Variants in IMMP2L observed in about 807,000 individuals in gnomAD.
IMMP2L encodes the protein inner mitochondrial membrane peptidase subunit 2.
Under a neutral mutation model 19.3 loss-of-function variants are expected in IMMP2L, and 18 were observed. That is an observed-to-expected ratio of 0.93 (90% CI 0.64 to 1.38). IMMP2L has a LOEUF of 1.38. Among genes scored for constraint, IMMP2L ranks in the 40% most tolerant of loss-of-function variants. The pLI is 0.00. For missense variants in IMMP2L, 233 were observed against 218.2 expected, an observed-to-expected ratio of 1.07 and a Z score of -0.43; for synonymous variants, 76 against 73.0, an observed-to-expected ratio of 1.04 and a Z score of -0.21.
Position 110,954,321 on chromosome 7 carries a change from T to C in IMMP2L, c.305+9179A>G, listed in dbSNP as rs115304841. Among the ~76,000 whole-genome samples the C allele has an allele frequency of 4.0e-3, 613 of 152,214 alleles. 4 individuals carry two copies. The highest frequency in any genetic ancestry group is 0.014 in the African/African-American group (592 of 41,552). ...CTTCATAGTGGCAATTCTCTTGTTA[T>C]ATTCCTTTTCTTTTGTTGCCTTTGT... On this transcript the variant is annotated intron_variant, in intron 4 of 5. Transcript: ENST00000405709.
Position 111,487,326 on chromosome 7 carries a change from C to T in IMMP2L, c.151G>A (p.Gly51Arg). The T allele has an allele frequency of 6.2e-7, 1 of 1,604,448 alleles. No individual in the cohort carries two copies. The highest frequency in any genetic ancestry group is 8.5e-7 in the Non-Finnish European group (1 of 1,171,316). ...ACCACATCAGATGACTGGCTCCCCCCAGGATTCAAAGAAGGCTAGAAAATA... is the reference window on the plus strand; with the variant it reads ...ACCACATCAGATGACTGGCTCCCCCTAGGATTCAAAGAAGGCTAGAAAATA... ...GASMQPSLNP[G>R]GSQSSDVVLL... is the part of the protein sequence containing the mutation. The change falls in exon 3 of 6, where the codon GGG (glycine) becomes AGG (arginine). Residue 51 changes from glycine to arginine, a missense_variant. By Grantham distance (125) the Gly-to-Arg change is moderately radical (BLOSUM62 -2). Coordinates refer to ENST00000405709, the MANE Select transcript of IMMP2L (RefSeq NM_032549.4).
intron 5 of IMMP2L, among the ~76,000 whole-genome samples, chr7:110,880,986 TG>T (rs1809578646): frequency 6.6e-6 from 1 of 152,118 alleles, no homozygotes; most frequent in Non-Finnish European, 1.5e-5. Flanking sequence ...AAGCTAAGAC[TG>T]CCTCTTCTCT....
chr7:111,054,760 A>C (rs371237100), intron 3 of IMMP2L, among the ~76,000 whole-genome samples: 2 of 152,170 alleles, frequency 1.3e-5, no homozygotes, highest in East Asian at 1.9e-4. Flanking sequence ...CTCTAAAATC[A>C]ATCTCAGGAG....
At chr7:111,441,909 C>T (rs556912925) in intron 3 of IMMP2L, among the ~76,000 whole-genome samples, 5 of 151,766 alleles carry the variant, frequency 3.3e-5, no homozygotes, top group South Asian at 4.2e-4. Flanking sequence ...GAGGCCAAGG[C>T]GGGCAGATCA....
intron 3 of IMMP2L, among the ~76,000 whole-genome samples, chr7:111,424,199 C>T (rs1015673805): frequency 7.9e-5 from 12 of 151,706 alleles, no homozygotes; most frequent in African/African-American, 2.4e-4. Flanking sequence ...ACCTGATTTA[C>T]GGTAAGGTAC....
intron 5 of IMMP2L, among the ~76,000 whole-genome samples, chr7:110,840,065 T>G (rs1367208116): frequency 2.4e-4 from 37 of 152,156 alleles, no homozygotes; most frequent in Admixed American, 2.4e-3. Context: ...GAGAATGAGA[T>G]TCCCTTTCTG....
chr7:110,979,564 T>G (rs1308591003), intron 3 of IMMP2L, among the ~76,000 whole-genome samples: 2 of 152,080 alleles, frequency 1.3e-5, no homozygotes, highest in Non-Finnish European at 2.9e-5. Flanking sequence ...CTATCAGTAT[T>G]ATTGGGTGTG....
intron 2 of IMMP2L, among the ~76,000 whole-genome samples, 170 bp downstream of exon 2, chr7:111,521,143 G>A (rs567195160): frequency 5.9e-5 from 9 of 152,074 alleles, no homozygotes; most frequent in Admixed American, 4.6e-4. Context: ...ATTATAATAC[G>A]ACTGTATTAG....
intron 3 of IMMP2L, among the ~76,000 whole-genome samples, chr7:111,389,805 A>G (rs117776898): frequency 0.016 from 2,461 of 152,218 alleles, 52 homozygotes; most frequent in Middle Eastern, 0.078. Flanking sequence ...AAGGGCCACA[A>G]TCTGCTCTGA....
intron 2 of IMMP2L, among the ~76,000 whole-genome samples, chr7:111,504,437 C>T (rs1414238709): frequency 2.2e-4 from 34 of 151,706 alleles, no homozygotes; most frequent in African/African-American, 8.0e-4. Context: ...CATCAAGCTA[C>T]CAATGACTTT....
Position 111,042,262 on chromosome 7 carries a change from C to T in IMMP2L, c.240-78697G>A, listed in dbSNP as rs1412399851. On this transcript the variant is annotated intron_variant, in intron 3 of 5. Coordinates refer to ENST00000405709, the MANE Select transcript of IMMP2L (RefSeq NM_032549.4). ...TGGCACAATCCGGGCTCACTGAAAC[C>T]TCTGCCTCCTGGGTTCCAGTGATTC... 5.3e-5 allele frequency among the ~76,000 whole-genome samples: 8 copies of T among 152,296 alleles called. No homozygotes were observed. In the East Asian group the frequency reaches 1.4e-3, roughly 26 times the overall value.
chr7:111,142,054 G>A (rs1453658103), intron 3 of IMMP2L, among the ~76,000 whole-genome samples: 2 of 152,064 alleles, frequency 1.3e-5, no homozygotes, highest in Admixed American at 6.6e-5. Context: ...GGTCAGGCAC[G>A]GTGGCTCATG....
At chr7:111,280,702 G>A (rs779978125) in intron 3 of IMMP2L, among the ~76,000 whole-genome samples, 6 of 152,110 alleles carry the variant, frequency 3.9e-5, no homozygotes, top group Non-Finnish European at 7.3e-5. Flanking sequence ...CAAATTAGGC[G>A]CCTCTTACTA....
chr7:110,893,029 C>G (rs1340963088), intron 4 of IMMP2L, among the ~76,000 whole-genome samples: 1 of 152,010 alleles, frequency 6.6e-6, no homozygotes, highest in East Asian at 1.9e-4. Flanking sequence ...AATATATTGT[C>G]GGTTCAATTG....
intron 3 of IMMP2L, among the ~76,000 whole-genome samples, chr7:111,178,586 GC>G (rs1248147025): frequency 6.6e-6 from 1 of 152,052 alleles, no homozygotes; most frequent in East Asian, 1.9e-4. Flanking sequence ...CCCTGTCACT[GC>G]TTTATCAGCA....
chr7:111,545,290 A>G (rs1848825511), intron 1 of IMMP2L, among the ~76,000 whole-genome samples: 1 of 152,118 alleles, frequency 6.6e-6, no homozygotes, highest in South Asian at 2.1e-4. Flanking sequence ...AATGATGCTG[A>G]GCATCTTTTC....
intron 3 of IMMP2L, among the ~76,000 whole-genome samples, chr7:111,423,583 G>A (rs1181374358): frequency 1.3e-5 from 2 of 151,528 alleles, no homozygotes; most frequent in Non-Finnish European, 2.9e-5. Context: ...ATTTTTTATT[G>A]TGTCTATTTG....
chr7:110,933,203 T>C (rs940925924), intron 4 of IMMP2L, among the ~76,000 whole-genome samples: 2 of 152,078 alleles, frequency 1.3e-5, no homozygotes, highest in African/African-American at 4.8e-5. Flanking sequence ...TGGACTGAGG[T>C]GAACAAGGTA....
intron 5 of IMMP2L, among the ~76,000 whole-genome samples, chr7:110,826,504 GC>G (rs902532184): frequency 3.2e-4 from 49 of 152,250 alleles, no homozygotes; most frequent in African/African-American, 1.2e-3. Context: ...ATACTATGCA[GC>G]CATAAAAAAG....
Sources: gnomAD v4.1 joint callset for allele counts (sites outside exome capture counted in the v4.1 genomes callset) on GRCh38, gnomAD v4.1.1 for gene constraint, MANE v1.5 for transcripts, NCBI Gene and HGNC (gene_info 2026-07-23, HGNC 2026-07-21) for gene names.